Variants in FAM135B observed in about 807,000 individuals in gnomAD.
FAM135B encodes family with sequence similarity 135 member B, also known as protein FAM135B.
FAM135B carries 43 observed loss-of-function variants against 127.7 expected under a neutral mutation model. The observed-to-expected ratio is 0.34, with a 90% CI of 0.26 to 0.43. FAM135B has a LOEUF of 0.43. Among genes scored for constraint, FAM135B ranks in the 20% least tolerant of loss-of-function variants. The pLI, the probability that FAM135B is intolerant of heterozygous loss-of-function variation, is 1.00. For synonymous variants in FAM135B, 670 were observed against 665.1 expected (o/e 1.01, Z -0.11); for missense variants, 1,558 against 1,725.6 (o/e 0.90, Z 1.72).
rs555340790 is a variant in FAM135B at position 138,208,250 on chromosome 8, C to T, written c.670-10581G>A. 2.2e-4 allele frequency among the ~76,000 whole-genome samples: 33 copies of T among 152,020 alleles called. No individual in the cohort carries two copies. The South Asian group carries it at 6.9e-3, about 32-fold the overall frequency. On this transcript the variant is annotated intron_variant, in intron 7 of 19. Coordinates refer to ENST00000395297, the MANE Select transcript of FAM135B (RefSeq NM_015912.4). Reference sequence around the variant, plus strand: ...TGTTCCCATTTCAACAAGTCTGTTTCGTTTATAGCAGTTTTATATGCTGGA... The same window carrying T: ...TGTTCCCATTTCAACAAGTCTGTTTTGTTTATAGCAGTTTTATATGCTGGA...
chr8:138,416,460 C>T (rs1032954053), intron 1 of FAM135B, among the ~76,000 whole-genome samples: 1 of 152,006 alleles, frequency 6.6e-6, no homozygotes, highest in Non-Finnish European at 1.5e-5. Context: ...TAATAATATG[C>T]ATAATCATAT....
At chr8:138,181,873 A>G (rs1815074061) in intron 9 of FAM135B, among the ~76,000 whole-genome samples, 1 of 152,030 alleles carries the variant, frequency 6.6e-6, no homozygotes, top group Non-Finnish European at 1.5e-5. Context: ...CTCCACCCAC[A>G]TGTTGCTGGC....
intron 2 of FAM135B, among the ~76,000 whole-genome samples, chr8:138,312,357 A>T (rs1161487799): frequency 6.6e-6 from 1 of 152,202 alleles, no homozygotes; most frequent in East Asian, 1.9e-4. Flanking sequence ...CTCTAACTGT[A>T]TACAGAAAAC....
chr8:138,235,965 T>A (rs1237569577), intron 7 of FAM135B, among the ~76,000 whole-genome samples: 6 of 152,104 alleles, frequency 3.9e-5, no homozygotes, highest in African/African-American at 1.4e-4. Flanking sequence ...CAGAGAAAGG[T>A]GCTCCCCACT....
intron 9 of FAM135B, among the ~76,000 whole-genome samples, chr8:138,180,775 G>C (rs1233883645): frequency 6.6e-6 from 1 of 152,166 alleles, no homozygotes; most frequent in Non-Finnish European, 1.5e-5. Context: ...CTTCCAAAAG[G>C]TAAGATAAGT....
intron 1 of FAM135B, among the ~76,000 whole-genome samples, chr8:138,376,536 C>T (rs1056218215): frequency 6.6e-6 from 1 of 152,194 alleles, no homozygotes; most frequent in African/African-American, 2.4e-5. Flanking sequence ...CTGGCCCTTA[C>T]CATGATTCAA....
chr8:138,487,125 T>G (rs369609992), intron 1 of FAM135B, among the ~76,000 whole-genome samples: 32 of 152,300 alleles, frequency 2.1e-4, no homozygotes, highest in African/African-American at 7.7e-4. Context: ...AACCAAAGTC[T>G]GCCTCACTCT....
In FAM135B at chr8:138,132,562, G is replaced by A. The variant is rs187801388; in HGVS notation, c.*31C>T. 6.4e-6 allele frequency: 10 copies of A among 1,569,122 alleles called. No individual in the cohort carries two copies. In the East Asian group the frequency reaches 1.8e-4, roughly 28 times the overall value. On this transcript the variant is annotated 3_prime_UTR_variant, in exon 20 of 20. Coordinates refer to ENST00000395297, the MANE Select transcript of FAM135B (RefSeq NM_015912.4). The surrounding 1 kb of genome is among the most constrained non-coding windows in gnomAD (Gnocchi z 4.5). ...AGCTAAAGCTCTCCACCGATCGTAA[G>A]CATTACCAAAGACCTGCTCCCTCAA... is the stretch of plus-strand genomic sequence containing the variant.
At chr8:138,422,319 A>C (rs1834560423) in intron 1 of FAM135B, among the ~76,000 whole-genome samples, 1 of 152,164 alleles carries the variant, frequency 6.6e-6, no homozygotes. Flanking sequence ...GAAATTATTA[A>C]TAGATTAAAC....
rs577262814 is a variant in FAM135B, at chr8:138,461,692, C to G, written c.-20+34979G>C. Among the ~76,000 whole-genome samples, 6 of 152,256 alleles carry G rather than the reference C, an allele frequency of 3.9e-5. No individual in the cohort carries two copies. In the South Asian group the frequency reaches 1.2e-3, roughly 32 times the overall value. ...GATCACTCTCTGATAAAAAATGAAG[C>G]TCAGACGTCAGTAGTCTATGTAAAT... On this transcript the variant is annotated intron_variant, in intron 1 of 19. Transcript: ENST00000395297.
At chr8:138,187,539 G>C (rs1815692892) in intron 9 of FAM135B, among the ~76,000 whole-genome samples, 1 of 152,176 alleles carries the variant, frequency 6.6e-6, no homozygotes, top group South Asian at 2.1e-4. Context: ...CCTTAAGGTG[G>C]TGTGTAAGTT....
At chr8:138,146,162 C>A in intron 14 of FAM135B, 112 bp from the exon 15 acceptor site, 1 of 630,798 alleles carries the variant, frequency 1.6e-6, no homozygotes, top group South Asian at 2.1e-5. Context: ...TGGGTTTTGT[C>A]ACTTTTGGTT....
chr8:138,461,641 T>G (rs762899112), intron 1 of FAM135B, among the ~76,000 whole-genome samples: 10 of 152,192 alleles, frequency 6.6e-5, no homozygotes, highest in Non-Finnish European at 1.2e-4. Flanking sequence ...CATTTAACCC[T>G]GAACAGAACA....
intron 1 of FAM135B, among the ~76,000 whole-genome samples, chr8:138,391,471 C>T (rs1479037642): frequency 6.6e-6 from 1 of 152,076 alleles, no homozygotes; most frequent in Non-Finnish European, 1.5e-5. Flanking sequence ...ACAGTCAAGC[C>T]ATTTCATAAT....
At chr8:138,307,368 T>A (rs1303563039) in intron 3 of FAM135B, among the ~76,000 whole-genome samples, 1 of 152,164 alleles carries the variant, frequency 6.6e-6, no homozygotes, top group Non-Finnish European at 1.5e-5. Context: ...AATTAAACCT[T>A]TTATTATGTA....
intron 9 of FAM135B, among the ~76,000 whole-genome samples, chr8:138,185,100 G>A (rs904310766): frequency 5.3e-5 from 8 of 152,122 alleles, no homozygotes; most frequent in Non-Finnish European, 1.2e-4. Flanking sequence ...CCTGACCTGC[G>A]GGACAGGGAA....
At chr8:138,400,985 A>G (rs1435275200) in intron 1 of FAM135B, among the ~76,000 whole-genome samples, 1 of 152,258 alleles carries the variant, frequency 6.6e-6, no homozygotes, top group South Asian at 2.1e-4. Flanking sequence ...CACTTAAGAA[A>G]CAACTTAGAA....
intron 7 of FAM135B, among the ~76,000 whole-genome samples, chr8:138,206,092 C>G (rs1029578228): frequency 7.0e-6 from 1 of 142,802 alleles, no homozygotes; most frequent in Non-Finnish European, 1.5e-5. Context: ...CTCCACATAC[C>G]CAGGGCTCCA....
At chr8:138,160,264 G>A (rs557173359) in intron 12 of FAM135B, among the ~76,000 whole-genome samples, 1 of 152,142 alleles carries the variant, frequency 6.6e-6, no homozygotes, top group South Asian at 2.1e-4. Context: ...CTGAGTTCTG[G>A]GAGTCATTCT....
Sources: gnomAD v4.1 joint callset for allele counts (sites outside exome capture counted in the v4.1 genomes callset) on GRCh38, gnomAD v4.1.1 for gene constraint, Gnocchi (gnomAD v3.1) non-coding constraint, MANE v1.5 for transcripts, NCBI Gene and HGNC (gene_info 2026-07-23, HGNC 2026-07-21) for gene names.